The following KDM3A variants were observed in gnomAD, a reference collection of about 807,000 sequenced individuals.
KDM3A encodes the protein lysine-specific demethylase 3A.
KDM3A carries 60 observed loss-of-function variants against 158.0 expected under a neutral mutation model. The observed-to-expected ratio is 0.38, with a 90% CI of 0.31 to 0.47. The LOEUF (loss-of-function observed/expected upper bound fraction) is 0.47. KDM3A is among the 20% of genes least tolerant of loss of function. The pLI, the probability that KDM3A is intolerant of heterozygous loss-of-function variation, is 0.99. For missense variants in KDM3A, 1,319 were observed against 1,574.3 expected (o/e 0.84, Z 2.74); for synonymous variants, 608 against 549.3 (o/e 1.11, Z -1.49).
At chr2:86,464,975 TCAGA>T (rs892626006) in intron 9 of KDM3A, among the ~76,000 whole-genome samples, 9 of 152,162 alleles carry the variant, frequency 5.9e-5, no homozygotes, top group Admixed American at 4.6e-4. Flanking sequence ...CATGTGGCAG[TCAGA>T]CAGGAGGAGG....
At chr2:86,452,695 C>T (rs1672520748) in intron 4 of KDM3A, among the ~76,000 whole-genome samples, 1 of 152,056 alleles carries the variant, frequency 6.6e-6, no homozygotes, top group South Asian at 2.1e-4. Context: ...ACTATGAAAC[C>T]TATTTGCTAA....
chr2:86,461,883 G>C (rs536024904), intron 8 of KDM3A, among the ~76,000 whole-genome samples: 4 of 152,096 alleles, frequency 2.6e-5, no homozygotes, highest in Non-Finnish European at 5.9e-5. Flanking sequence ...GTGAGCAAGC[G>C]GGGCAGTGAA....
At position 86,454,107 on chromosome 2, in the gene KDM3A, C is replaced by G. The variant is rs2104638416; in HGVS notation, c.454-978C>G. 2.0e-5 allele frequency among the ~76,000 whole-genome samples: 3 copies of G among 152,322 alleles called. No individual in the cohort carries two copies. In the East Asian group the frequency reaches 5.8e-4, roughly 29 times the overall value. ...ACTCTGACGCCTTAGGCTATTCATT[C>G]AGATTTTCTGTTTGTCCCCCCACCT... On this transcript the variant is annotated intron_variant, in intron 4 of 25. Transcript: ENST00000312912.
intron 10 of KDM3A, among the ~76,000 whole-genome samples, chr2:86,469,367 T>C (rs1169899628): frequency 6.6e-6 from 1 of 152,162 alleles, no homozygotes; most frequent in Admixed American, 6.5e-5. Context: ...TCTTCTCAGC[T>C]CTCTGGGACC....
At chr2:86,479,529 T>C (rs1310921497) in intron 15 of KDM3A, 1 of 152,222 alleles carries the variant, frequency 6.6e-6, no homozygotes, top group Admixed American at 6.5e-5. Context: ...TGATTGGGCA[T>C]CACAGAATTA....
At chr2:86,460,128 T>A (rs764031334) in intron 8 of KDM3A, among the ~76,000 whole-genome samples, 7 of 152,184 alleles carry the variant, frequency 4.6e-5, no homozygotes, top group Non-Finnish European at 8.8e-5. Context: ...TCTCAGAGAC[T>A]CTCTGTTTAC....
chr2:86,484,206 G>A, intron 19 of KDM3A, 48 bp downstream of exon 19: 1 of 1,472,542 alleles, frequency 6.8e-7, no homozygotes, highest in Non-Finnish European at 9.3e-7. Context: ...GAAAGGAGGG[G>A]ACACAGGAAT....
At chr2:86,450,528 A>G (rs967653901) in intron 3 of KDM3A, among the ~76,000 whole-genome samples, 2 of 152,188 alleles carry the variant, frequency 1.3e-5, no homozygotes, top group African/African-American at 4.8e-5. Context: ...CACATTGTAA[A>G]GTGTGGTGCA....
rs1359330481 is a variant in KDM3A at position 86,485,015 on chromosome 2, T to G, written c.3168T>G (p.Asp1056Glu). ...GGCCACCAGGAGAAGATTTTAGAGA[T>G]ATGATGCCTTCCAGGTATGATTATG... ...KDWPPGEDFR[D>E]MMPSRFDDLM... is the part of the protein sequence containing the mutation. Residue 1056 changes from aspartate (D) to glutamate (E), a missense_variant, in exon 20 of 26, where the codon GAT (aspartate) becomes GAG (glutamate). Coordinates refer to ENST00000312912, the MANE Select transcript of KDM3A (RefSeq NM_018433.6). 3 of 1,572,782 alleles carry G rather than the reference T, an allele frequency of 1.9e-6. No individual in the cohort carries two copies. The highest frequency in any genetic ancestry group is 1.8e-6 in the Non-Finnish European group (2 of 1,142,528).
intron 5 of KDM3A, 110 bp downstream of exon 5, chr2:86,455,297 T>TG (rs1672643200): frequency 2.4e-4 from 139 of 571,216 alleles, no homozygotes; most frequent in South Asian, 4.5e-4. Context: ...CTTTTTTCTT[T>TG]TTTTTTTTTT....
chr2:86,478,848 C>T (rs569700277), intron 15 of KDM3A, 113 bp downstream of exon 15: 1 of 982,502 alleles, frequency 1.0e-6, no homozygotes, highest in Non-Finnish European at 1.5e-6. Context: ...GGATAGCTAT[C>T]AAGTGGAAAG....
At position 86,492,077 on chromosome 2, in the gene KDM3A, T is replaced by C. The variant is rs1316153612; in HGVS notation, c.3924T>C (p.Val1308=). Residue 1308 remains valine (V), a synonymous_variant, in exon 26 of 26, where the codon GTT becomes GTC. Transcript: ENST00000312912. ...NVIYHAVKDA[V]AMLKASESSF... ...TCTACCATGCAGTGAAAGATGCAGT[T>C]GCTATGCTGAAAGCCAGTGAATCCA... 1 of 1,613,692 alleles carries C rather than the reference T, an allele frequency of 6.2e-7. No individual in the cohort carries two copies. Among genetic ancestry groups the C allele is most frequent in the African/African-American group, 1.3e-5 (1 of 75,042 alleles).
At chr2:86,485,477 T>C (rs541263364) in intron 20 of KDM3A, among the ~76,000 whole-genome samples, 9 of 152,352 alleles carry the variant, frequency 5.9e-5, no homozygotes, top group Admixed American at 2.0e-4. Context: ...GAATAACTTT[T>C]TGTCTAGAAT....
chr2:86,486,336 T>C (rs1432861363), intron 21 of KDM3A, among the ~76,000 whole-genome samples: 1 of 152,212 alleles, frequency 6.6e-6, no homozygotes, highest in Non-Finnish European at 1.5e-5. Flanking sequence ...TTTTATTCTT[T>C]TGACATGACT....
At position 86,464,048 on chromosome 2, in the gene KDM3A, T is replaced by C. The variant is rs1673031902; in HGVS notation, c.844-5T>C. On this transcript the variant is annotated splice_region_variant and splice_polypyrimidine_tract_variant and intron_variant, in intron 8 of 25. Coordinates refer to ENST00000312912, the MANE Select transcript of KDM3A (RefSeq NM_018433.6). ...TTTAATATCTGTTGGTTTGGTATCT[T>C]CTAGGCCTCTCCCAGTATGTGTCCT... 2 of 1,563,102 alleles carry C rather than the reference T, an allele frequency of 1.3e-6. No individual in the cohort carries two copies. Among genetic ancestry groups the C allele is most frequent in the South Asian group, 2.4e-5 (2 of 84,212 alleles).
chr2:86,447,045 C>T (rs890601499), intron 2 of KDM3A, among the ~76,000 whole-genome samples: 2 of 152,148 alleles, frequency 1.3e-5, no homozygotes, highest in Admixed American at 6.5e-5. Context: ...CTCCTGGACT[C>T]GAGTGATCCT....
At chr2:86,460,613 A>T (rs1040919526) in intron 8 of KDM3A, among the ~76,000 whole-genome samples, 2 of 152,212 alleles carry the variant, frequency 1.3e-5, no homozygotes, top group African/African-American at 4.8e-5. Flanking sequence ...CCTGTTTGCC[A>T]GTGATACCTG....
intron 15 of KDM3A, chr2:86,479,861 C>T (rs1673837971): frequency 3.5e-6 from 1 of 288,868 alleles, no homozygotes; most frequent in Admixed American, 5.2e-5. Context: ...GGGAGACAGG[C>T]ACAAACTGGT....
Position 86,474,072 on chromosome 2 carries a change from T to C in KDM3A, c.1725-704T>C, listed in dbSNP as rs372008024. Among the ~76,000 whole-genome samples, 5 of 152,234 alleles carry C rather than the reference T, an allele frequency of 3.3e-5. No homozygotes were observed. In the East Asian group the frequency reaches 9.6e-4, roughly 29 times the overall value. On this transcript the variant is annotated intron_variant, in intron 11 of 25. Coordinates refer to ENST00000312912, the MANE Select transcript of KDM3A (RefSeq NM_018433.6). ...GTTGTATTTAAATCTGATCAGATTA[T>C]TTATCACCTTCTGTTTGTTAACGAC...
Sources: gnomAD v4.1 joint callset for allele counts (sites outside exome capture counted in the v4.1 genomes callset) on GRCh38, gnomAD v4.1.1 for gene constraint, MANE v1.5 for transcripts, NCBI Gene and HGNC (gene_info 2026-07-23, HGNC 2026-07-21) for gene names.